The following SLCO4A1 variants were observed in gnomAD, a reference collection of about 807,000 sequenced individuals.
The protein encoded by SLCO4A1 is colon organic anion transporter.
In SLCO4A1, 51 loss-of-function variants were observed where a neutral mutation model predicts 64.6. The observed-to-expected ratio is 0.79, with a 90% confidence interval of 0.63 to 1.00. SLCO4A1 has a LOEUF of 1.00. Among genes scored for constraint, SLCO4A1 ranks in the 50% least tolerant of loss-of-function variants. The pLI is 0.00. For missense variants in SLCO4A1, 919 were observed against 980.5 expected (o/e 0.94, Z 0.84); for synonymous variants, 471 against 444.9 (o/e 1.06, Z -0.74).
chr20:62,686,889 G>A (rs1033361011), downstream of SLCO4A1, among the ~76,000 whole-genome samples: 1 of 151,440 alleles, frequency 6.6e-6, no homozygotes, highest in Non-Finnish European at 1.5e-5. Context: ...AATGGGAAGG[G>A]CACCCCCAAA....
At chr20:62,687,288 T>C (rs1485776548), downstream of SLCO4A1, among the ~76,000 whole-genome samples, 1 of 151,634 alleles carries the variant, frequency 6.6e-6, no homozygotes, top group Non-Finnish European at 1.5e-5. Context: ...GTCCATGAAG[T>C]TGACCAAACG....
In SLCO4A1 at chr20:62,644,364, G is replaced by A. The variant is rs963413381; in HGVS notation, c.-97+1811G>A. Among the ~76,000 whole-genome samples, 4 of 152,354 alleles carry A rather than the reference G, an allele frequency of 2.6e-5. No homozygotes were observed. The highest frequency in any genetic ancestry group is 2.0e-4 in the Admixed American group (3 of 15,308). ...TTCTTCATGAGGGAGCTTCCCTCCCGAGTGGCCGTGACCTAATCTGTAGCT... is the reference window on the plus strand; with the variant it reads ...TTCTTCATGAGGGAGCTTCCCTCCCAAGTGGCCGTGACCTAATCTGTAGCT... On this transcript the variant is annotated intron_variant, in intron 1 of 11. Coordinates refer to ENST00000217159, the MANE Select transcript of SLCO4A1 (RefSeq NM_016354.4). The surrounding 1 kb of genome is among the most constrained non-coding windows in gnomAD (Gnocchi z 5.4).
chr20:62,686,357 G>A (rs567008869), downstream of SLCO4A1, among the ~76,000 whole-genome samples: 8 of 152,356 alleles, frequency 5.3e-5, no homozygotes, highest in East Asian at 9.6e-4. Context: ...GCAGAGCGGC[G>A]TGGAGCTCGC....
At chr20:62,678,402 G>A (rs183747324) in intron 2 of SLCO4A1, among the ~76,000 whole-genome samples, 38 of 152,234 alleles carry the variant, frequency 2.5e-4, no homozygotes, top group Non-Finnish European at 1.0e-4. Flanking sequence ...GGCCGCTCGG[G>A]AACCCAGCTC....
chr20:62,677,330 C>A (rs1987640557), intron 2 of SLCO4A1, among the ~76,000 whole-genome samples: 1 of 152,222 alleles, frequency 6.6e-6, no homozygotes, highest in South Asian at 2.1e-4. Flanking sequence ...TACATCCATC[C>A]ATGCATTCAT....
intron 5 of SLCO4A1, among the ~76,000 whole-genome samples, chr20:62,664,068 A>G (rs1985604620): frequency 6.6e-6 from 1 of 152,064 alleles, no homozygotes. Context: ...TAGAAACTGC[A>G]AGGCCTGATG....
chr20:62,683,397 G>T (rs1209821509), intron 2 of SLCO4A1, among the ~76,000 whole-genome samples: 1 of 151,640 alleles, frequency 6.6e-6, no homozygotes, highest in Non-Finnish European at 1.5e-5. Flanking sequence ...TCTCGGTGGG[G>T]GCACCTGCTC....
At position 62,658,588 on chromosome 20, in the gene SLCO4A1, G is replaced by C. The variant is rs1184982352; in HGVS notation, c.797-89G>C. 6 of 1,009,508 alleles carry C rather than the reference G, an allele frequency of 5.9e-6. 1 individual carries two copies. The Admixed American group carries it at 8.4e-5, about 14-fold the overall frequency. 62.5% of individuals were successfully genotyped at this position (1,009,508 alleles called of 1,614,324 possible). ...GCCGGAGATGCAGAATGGCGGGTGC[G>C]GGGCTTCTCCCAGGCACGGGGCCCC... On this transcript the variant is annotated intron_variant, in intron 2 of 11. Coordinates refer to ENST00000217159, the MANE Select transcript of SLCO4A1 (RefSeq NM_016354.4).
chr20:62,648,284 C>CTT (rs1355590923), intron 1 of SLCO4A1, among the ~76,000 whole-genome samples: 2 of 152,246 alleles, frequency 1.3e-5, no homozygotes, highest in Non-Finnish European at 2.9e-5. Flanking sequence ...GTTTGCGTTT[C>CTT]TCTCGGGCTG....
chr20:62,682,832 C>T (rs185039780), intron 2 of SLCO4A1, among the ~76,000 whole-genome samples: 1 of 152,232 alleles, frequency 6.6e-6, no homozygotes, highest in African/African-American at 2.4e-5. Flanking sequence ...CATACAGGGA[C>T]CCCCATCATA....
Position 62,654,616 on chromosome 20 carries a change from C to T in SLCO4A1, c.-96-1743C>T, listed in dbSNP as rs562413368. ...GCCCTGAGCATGGCTGATGTGGCCC[C>T]GGCCTCAGCCTGATGTCAGTGGGCA... On this transcript the variant is annotated intron_variant, in intron 1 of 11. Transcript: ENST00000217159. Among the ~76,000 whole-genome samples, 214 of 152,376 alleles carry T rather than the reference C, an allele frequency of 1.4e-3. 1 individual carries two copies. The highest frequency in any genetic ancestry group is 3.8e-3 in the African/African-American group (158 of 41,600).
At chr20:62,667,222 G>A (rs1388618444) in intron 7 of SLCO4A1, among the ~76,000 whole-genome samples, 1 of 152,226 alleles carries the variant, frequency 6.6e-6, no homozygotes. Context: ...AAGACATACT[G>A]TGAAGTGGGA....
intron 5 of SLCO4A1, chr20:62,663,176 G>A (rs1475535519): frequency 6.6e-6 from 1 of 152,304 alleles, no homozygotes; most frequent in East Asian, 1.9e-4. Flanking sequence ...AGTTTCTGAC[G>A]CCAACATCAG....
downstream of SLCO4A1, among the ~76,000 whole-genome samples, chr20:62,686,197 A>C (rs1988055230): frequency 6.6e-6 from 1 of 152,152 alleles, no homozygotes; most frequent in South Asian, 2.1e-4. Context: ...CTCCCGCCCC[A>C]GTGCGGAGCT....
chr20:62,669,172 C>A, intron 11 of SLCO4A1, 94 bp downstream of exon 11: 2 of 1,231,194 alleles, frequency 1.6e-6, no homozygotes, highest in Non-Finnish European at 2.3e-6. Context: ...GGACCACAGC[C>A]TAGTACATCA....
At chr20:62,672,406 G>A, downstream of SLCO4A1, 1 of 500,220 alleles carries the variant, frequency 2.0e-6, no homozygotes. Flanking sequence ...TGAAAAGTTG[G>A]CCTTCCTTAT....
rs1981067662 is a variant in SLCO4A1, at chr20:62,645,090, TG to T, written c.-97+2540del. On this transcript the variant is annotated intron_variant, in intron 1 of 11. Transcript: ENST00000217159. This position sits in a 1 kb window ranked among gnomAD's most constrained non-coding sequence, Gnocchi z 4.2. ...TCAGACCTTGCTGTTGCCTTCGTTC[TG>T]GGACATGGACCACTGTCTGGCCCCC... 6.6e-6 allele frequency among the ~76,000 whole-genome samples: 1 copy of T among 152,268 alleles called. No individual in the cohort carries two copies. The highest frequency in any genetic ancestry group is 1.5e-5 in the Non-Finnish European group (1 of 68,052).
At chr20:62,655,410 G>A (rs1003968022) in intron 1 of SLCO4A1, among the ~76,000 whole-genome samples, 2 of 152,154 alleles carry the variant, frequency 1.3e-5, no homozygotes, top group African/African-American at 4.8e-5. Flanking sequence ...CTGTTTATTC[G>A]CCGGTTTATT....
Position 62,672,075 on chromosome 20 carries a change from G to A in SLCO4A1, c.*182G>A. On this transcript the variant is annotated 3_prime_UTR_variant, in exon 12 of 12. Transcript: ENST00000217159. Reference sequence around the variant, plus strand: ...AGCTGTACGGCCCTGCAGTGGGTGGGAGGAACTTGCATAAATATATATTTA... The same window carrying A: ...AGCTGTACGGCCCTGCAGTGGGTGGAAGGAACTTGCATAAATATATATTTA... 1 of 1,477,772 alleles carries A rather than the reference G, an allele frequency of 6.8e-7. No individual in the cohort carries two copies. The highest frequency in any genetic ancestry group is 9.0e-7 in the Non-Finnish European group (1 of 1,115,644). The allele number at this position is 1,477,772 out of a possible 1,614,324, so 91.5% of individuals were successfully genotyped here.
Sources: gnomAD v4.1 joint callset for allele counts (sites outside exome capture counted in the v4.1 genomes callset) on GRCh38, gnomAD v4.1.1 for gene constraint, Gnocchi (gnomAD v3.1) non-coding constraint, MANE v1.5 for transcripts, NCBI Gene and HGNC (gene_info 2026-07-23, HGNC 2026-07-21) for gene names.